The following ADGRB3 variants were observed in gnomAD, a reference collection of about 807,000 sequenced individuals.
ADGRB3 encodes the protein brain-specific angiogenesis inhibitor 3.
In ADGRB3, 37 loss-of-function variants were observed where a neutral mutation model predicts 193.4. The ratio of observed to expected loss-of-function variants is 0.19; its 90% CI spans 0.15 to 0.25. The LOEUF (loss-of-function observed/expected upper bound fraction) is 0.25, where lower values mean the gene tolerates loss of function less well. ADGRB3 is among the 10% of genes least tolerant of loss of function. The pLI, the probability that ADGRB3 is intolerant of heterozygous loss-of-function variation, is 1.00. For synonymous variants in ADGRB3, 690 were observed against 644.2 expected (o/e 1.07, Z -1.08); for missense variants, 1,637 against 1,852.9 (o/e 0.88, Z 2.14).
intron 17 of ADGRB3, among the ~76,000 whole-genome samples, chr6:69,159,727 A>G (rs1340570601): frequency 6.6e-6 from 1 of 152,170 alleles, no homozygotes; most frequent in African/African-American, 2.4e-5. Context: ...AATATTGTGT[A>G]TAAACTGATG....
rs566848260 is a variant in ADGRB3 at position 68,994,078 on chromosome 6, A to G, written c.1929+116A>G. On this transcript the variant is annotated intron_variant, in intron 11 of 31. Coordinates refer to ENST00000370598, the MANE Select transcript of ADGRB3 (RefSeq NM_001704.3). ...ACTGGAGGAAGATAATGCTCATCCA[A>G]GTTATGCTTAGTGTGAGCTCTGGAA... 4.8e-6 allele frequency: 4 copies of G among 834,112 alleles called. No homozygotes were observed. In the Admixed American group the frequency reaches 1.1e-4, roughly 22 times the overall value. 51.7% of individuals were successfully genotyped at this position (834,112 alleles called of 1,614,324 possible).
intron 3 of ADGRB3, among the ~76,000 whole-genome samples, chr6:68,714,407 T>C (rs1348766260): frequency 2.0e-5 from 3 of 151,800 alleles, no homozygotes; most frequent in African/African-American, 7.2e-5. Flanking sequence ...GGATGGCTGA[T>C]GTGCAGGTGT....
chr6:69,102,135 G>T (rs1218196109), intron 17 of ADGRB3, among the ~76,000 whole-genome samples: 1 of 139,280 alleles, frequency 7.2e-6, no homozygotes, highest in Non-Finnish European at 1.5e-5. Context: ...CAGAGATGGC[G>T]CCACTGCACT....
intron 3 of ADGRB3, among the ~76,000 whole-genome samples, chr6:68,835,980 C>T (rs1768037842): frequency 6.6e-6 from 1 of 152,094 alleles, no homozygotes; most frequent in African/African-American, 2.4e-5. Context: ...ACAAGGAGAC[C>T]ACCTCTACTC....
At chr6:68,848,748 G>T (rs921618283) in intron 3 of ADGRB3, among the ~76,000 whole-genome samples, 11 of 151,798 alleles carry the variant, frequency 7.2e-5, no homozygotes, top group Non-Finnish European at 1.6e-4. Context: ...CATTGTTTTT[G>T]TTTCTTTTGT....
intron 3 of ADGRB3, among the ~76,000 whole-genome samples, chr6:68,922,731 C>A (rs1045064618): frequency 4.6e-5 from 7 of 152,182 alleles, no homozygotes; most frequent in Admixed American, 1.3e-4. Context: ...GAAGTATGAG[C>A]TGCATCTCCT....
rs145346935 is a variant in ADGRB3 at position 68,790,016 on chromosome 6, G to A, written c.758-140543G>A. Among the ~76,000 whole-genome samples the A allele has an allele frequency of 3.4e-3, 510 of 152,132 alleles. 2 individuals carry two copies. The highest frequency in any genetic ancestry group is 0.011 in the African/African-American group (476 of 41,492). ...TTTTCAGCTCCATCAGGTCCTTTAA[G>A]GACTTCTCTGCATTGGTTATTCTAG... On this transcript the variant is annotated intron_variant, in intron 3 of 31. Coordinates refer to ENST00000370598, the MANE Select transcript of ADGRB3 (RefSeq NM_001704.3).
intron 17 of ADGRB3, among the ~76,000 whole-genome samples, chr6:69,155,721 A>T (rs1185418440): frequency 6.6e-6 from 1 of 152,182 alleles, no homozygotes; most frequent in Non-Finnish European, 1.5e-5. Context: ...CATTTGAAAA[A>T]TTTTTATAGG....
intron 20 of ADGRB3, among the ~76,000 whole-genome samples, chr6:69,245,450 C>T (rs902613024): frequency 1.3e-5 from 2 of 151,962 alleles, no homozygotes; most frequent in African/African-American, 4.8e-5. Flanking sequence ...AGGAATAAAT[C>T]GTACAAGAGA....
chr6:68,872,697 C>T (rs1482864346), intron 3 of ADGRB3, among the ~76,000 whole-genome samples: 1 of 152,048 alleles, frequency 6.6e-6, no homozygotes, highest in Non-Finnish European at 1.5e-5. Flanking sequence ...TGAAATAACA[C>T]ATCCACAAAA....
intron 3 of ADGRB3, among the ~76,000 whole-genome samples, chr6:68,905,036 G>A (rs10485437): frequency 0.31 from 46,626 of 152,074 alleles, 7,658 homozygotes; most frequent in Middle Eastern, 0.52. Context: ...CACCGTGTGT[G>A]GACTGCCAAC....
At chr6:68,872,700 C>T (rs1765495116) in intron 3 of ADGRB3, among the ~76,000 whole-genome samples, 1 of 152,054 alleles carries the variant, frequency 6.6e-6, no homozygotes, top group Admixed American at 6.6e-5. Context: ...AATAACACAT[C>T]CACAAAAACT....
chr6:69,271,268 G>GAT (rs1767169618), intron 20 of ADGRB3, among the ~76,000 whole-genome samples: 1 of 152,086 alleles, frequency 6.6e-6, no homozygotes, highest in Non-Finnish European at 1.5e-5. Flanking sequence ...AGGACAGATG[G>GAT]ATATATATAA....
chr6:68,842,542 T>C (rs1193532173), intron 3 of ADGRB3, among the ~76,000 whole-genome samples: 1 of 151,808 alleles, frequency 6.6e-6, no homozygotes, highest in East Asian at 1.9e-4. Flanking sequence ...CCCAGGAAAG[T>C]AAAACCCTCA....
intron 3 of ADGRB3, among the ~76,000 whole-genome samples, chr6:68,732,867 T>A (rs1336173342): frequency 6.6e-6 from 1 of 151,914 alleles, no homozygotes; most frequent in East Asian, 1.9e-4. Flanking sequence ...TTGAGCAGCA[T>A]CAAATTTTCC....
intron 3 of ADGRB3, among the ~76,000 whole-genome samples, chr6:68,742,468 A>T (rs1177165929): frequency 6.6e-6 from 1 of 152,108 alleles, no homozygotes; most frequent in Non-Finnish European, 1.5e-5. Flanking sequence ...AATAAGGCTG[A>T]TTCTTTGAAA....
chr6:69,122,590 GGATCTCTGAGTTTTATA>G (rs1773743134), intron 17 of ADGRB3, among the ~76,000 whole-genome samples: 1 of 151,130 alleles, frequency 6.6e-6, no homozygotes, highest in Non-Finnish European at 1.5e-5. Context: ...AGTAGGGATG[GGATCTCTGAGTTTTATA>G]GAAGTCTGCA....
At chr6:68,677,772 A>T (rs900171360) in intron 3 of ADGRB3, among the ~76,000 whole-genome samples, 9 of 151,736 alleles carry the variant, frequency 5.9e-5, no homozygotes, top group Admixed American at 2.0e-4. Context: ...CACAGGGCTA[A>T]TTTTTGTAAT....
chr6:69,338,320 C>A (rs1768895807), intron 24 of ADGRB3, among the ~76,000 whole-genome samples: 1 of 152,128 alleles, frequency 6.6e-6, no homozygotes, highest in Admixed American at 6.6e-5. Context: ...ACTAATATTT[C>A]ATCAAATTTC....
Sources: gnomAD v4.1 joint callset for allele counts (sites outside exome capture counted in the v4.1 genomes callset) on GRCh38, gnomAD v4.1.1 for gene constraint, MANE v1.5 for transcripts, NCBI Gene and HGNC (gene_info 2026-07-23, HGNC 2026-07-21) for gene names.